GPR176: variants seen among roughly 807,000 people sequenced by gnomAD.
GPR176 encodes the protein G-protein coupled receptor 176.
GPR176 carries 26 observed loss-of-function variants against 35.4 expected under a neutral mutation model. That is an observed-to-expected ratio of 0.74 (90% CI 0.54 to 1.02). The LOEUF (loss-of-function observed/expected upper bound fraction) is 1.02, where lower values mean the gene tolerates loss of function less well. Among genes scored for constraint, GPR176 ranks in the 50% least tolerant of loss-of-function variants. GPR176 has a pLI of 0.00. For missense variants in GPR176, 597 were observed against 665.3 expected (o/e 0.90, Z 1.13); for synonymous variants, 278 against 271.3 (o/e 1.02, Z -0.24).
chr15:39,918,664 AAC>A (rs370386441), intron 1 of GPR176, among the ~76,000 whole-genome samples: 31 of 150,262 alleles, frequency 2.1e-4, no homozygotes, highest in South Asian at 6.3e-4. Context: ...CACATCTTAA[AAC>A]ACACACACAC....
At chr15:39,851,240 C>A (rs928562133) in intron 1 of GPR176, among the ~76,000 whole-genome samples, 4 of 152,156 alleles carry the variant, frequency 2.6e-5, no homozygotes, top group African/African-American at 9.6e-5. Flanking sequence ...ATTGCCCCTA[C>A]ACATGAAGAG....
intron 1 of GPR176, among the ~76,000 whole-genome samples, chr15:39,807,849 T>C (rs1305249830): frequency 6.6e-6 from 1 of 152,238 alleles, no homozygotes; most frequent in African/African-American, 2.4e-5. Context: ...TATTTTACAC[T>C]TACAGCACAT....
intron 1 of GPR176, among the ~76,000 whole-genome samples, chr15:39,839,957 G>A (rs1405068363): frequency 6.6e-6 from 1 of 152,168 alleles, no homozygotes; most frequent in Non-Finnish European, 1.5e-5. Flanking sequence ...AGTTAGAATG[G>A]CGATCATTAA....
chr15:39,822,387 T>C (rs1332343547), intron 1 of GPR176, among the ~76,000 whole-genome samples: 1 of 152,252 alleles, frequency 6.6e-6, no homozygotes, highest in African/African-American at 2.4e-5. Context: ...AGCTGTCGTA[T>C]TAAATGAGAT....
At chr15:39,839,559 T>TAGGC (rs1901617586) in intron 1 of GPR176, among the ~76,000 whole-genome samples, 1 of 152,168 alleles carries the variant, frequency 6.6e-6, no homozygotes, top group African/African-American at 2.4e-5. Context: ...ATTCAGGACA[T>TAGGC]AGGCATGGGC....
chr15:39,867,386 T>TTAGGC (rs2140835107), intron 1 of GPR176, among the ~76,000 whole-genome samples: 2 of 151,952 alleles, frequency 1.3e-5, no homozygotes, highest in East Asian at 3.9e-4. Context: ...TAAGAATAAG[T>TTAGGC]TAGGCAGAGA....
intron 1 of GPR176, among the ~76,000 whole-genome samples, chr15:39,835,507 G>A (rs553960969): frequency 2.9e-5 from 4 of 138,830 alleles, no homozygotes; most frequent in African/African-American, 1.0e-4. Context: ...ACTGATTATA[G>A]GAGCTCTGCC....
At chr15:39,886,114 T>C (rs1197160730) in intron 1 of GPR176, among the ~76,000 whole-genome samples, 1 of 152,012 alleles carries the variant, frequency 6.6e-6, no homozygotes, top group Non-Finnish European at 1.5e-5. Context: ...GCGCCTGTAA[T>C]CCCAGCTACT....
chr15:39,845,636 G>A (rs1399006994), intron 1 of GPR176, among the ~76,000 whole-genome samples: 1 of 151,934 alleles, frequency 6.6e-6, no homozygotes, highest in African/African-American at 2.4e-5. Context: ...CAACATATAA[G>A]CCAAGGGCGA....
intron 1 of GPR176, among the ~76,000 whole-genome samples, chr15:39,906,554 C>T (rs1042470708): frequency 6.6e-6 from 1 of 152,200 alleles, no homozygotes; most frequent in African/African-American, 2.4e-5. Context: ...AGGACATCCC[C>T]CACACATTAT....
At chr15:39,854,189 C>G (rs1009090366) in intron 1 of GPR176, among the ~76,000 whole-genome samples, 2 of 152,040 alleles carry the variant, frequency 1.3e-5, no homozygotes, top group Non-Finnish European at 2.9e-5. Context: ...GGAAAGCAGA[C>G]AATAAGGATC....
intron 1 of GPR176, among the ~76,000 whole-genome samples, chr15:39,828,860 G>T (rs749789638): frequency 4.6e-5 from 7 of 152,158 alleles, no homozygotes; most frequent in Non-Finnish European, 1.0e-4. Flanking sequence ...TGTCCTCCCC[G>T]TCACAGTGTA....
intron 1 of GPR176, chr15:39,894,558 G>T (rs1216185844): frequency 1.1e-5 from 2 of 186,166 alleles, no homozygotes; most frequent in South Asian, 1.9e-4. Flanking sequence ...CGGCCGGGCA[G>T]AGGTGCTCCT....
intron 1 of GPR176, among the ~76,000 whole-genome samples, chr15:39,889,186 TC>T (rs764897376): frequency 6.6e-6 from 1 of 152,294 alleles, no homozygotes; most frequent in East Asian, 1.9e-4. Context: ...TTCTACCTCC[TC>T]CTCCATAATC....
chr15:39,823,397 G>A (rs986892550), intron 1 of GPR176, among the ~76,000 whole-genome samples: 2 of 151,976 alleles, frequency 1.3e-5, no homozygotes, highest in Non-Finnish European at 2.9e-5. Flanking sequence ...CATCCCCCTG[G>A]TTGCTCATGT....
At position 39,917,151 on chromosome 15, in the gene GPR176, C is replaced by T. The variant is rs1006831177; in HGVS notation, c.172+2704G>A. 3.3e-5 allele frequency among the ~76,000 whole-genome samples: 5 copies of T among 151,880 alleles called. No homozygotes were observed. The East Asian group carries it at 7.9e-4, about 24-fold the overall frequency. On this transcript the variant is annotated intron_variant, in intron 1 of 2. Coordinates refer to ENST00000561100, the MANE Select transcript of GPR176 (RefSeq NM_007223.3). ...GCAAAAACTTAGCCAGGCGTGGTGGCGGGCACCTGTAATCCCAGCTACTTG... is the reference window on the plus strand; with the variant it reads ...GCAAAAACTTAGCCAGGCGTGGTGGTGGGCACCTGTAATCCCAGCTACTTG...
intron 1 of GPR176, among the ~76,000 whole-genome samples, chr15:39,909,180 G>A (rs1276591164): frequency 2.6e-5 from 4 of 152,174 alleles, no homozygotes; most frequent in Non-Finnish European, 4.4e-5. Flanking sequence ...GAAAGTGGAC[G>A]TGATTAATGT....
At chr15:39,911,611 A>G (rs562677649) in intron 1 of GPR176, among the ~76,000 whole-genome samples, 1 of 152,370 alleles carries the variant, frequency 6.6e-6, no homozygotes, top group Admixed American at 6.5e-5. Context: ...CAGTAAGAGA[A>G]GCCATGAAGA....
chr15:39,889,138 T>G (rs1324412573), intron 1 of GPR176, among the ~76,000 whole-genome samples: 2 of 152,210 alleles, frequency 1.3e-5, no homozygotes, highest in Non-Finnish European at 2.9e-5. Flanking sequence ...AAGGTTTAGA[T>G]CTCTGTGACT....
Sources: gnomAD v4.1 joint callset for allele counts (sites outside exome capture counted in the v4.1 genomes callset) on GRCh38, gnomAD v4.1.1 for gene constraint, MANE v1.5 for transcripts, NCBI Gene and HGNC (gene_info 2026-07-23, HGNC 2026-07-21) for gene names.